Variants in SH3RF3 observed in about 807,000 individuals in gnomAD.
SH3RF3 encodes SH3 domain containing ring finger 3, also known as E3 ubiquitin-protein ligase SH3RF3.
SH3RF3 carries 29 observed loss-of-function variants against 66.3 expected under a neutral mutation model. The ratio of observed to expected loss-of-function variants is 0.44; its 90% confidence interval spans 0.33 to 0.60. SH3RF3 has a LOEUF of 0.60. Among genes scored for constraint, SH3RF3 ranks in the 20% least tolerant of loss-of-function variants. The probability of loss-of-function intolerance (pLI) is 0.04; values close to 1 mark genes in which losing one functional copy is unlikely to be tolerated. For missense variants in SH3RF3, 1,194 were observed against 1,190.9 expected (o/e 1.00, Z -0.04); for synonymous variants, 583 against 532.0 (o/e 1.10, Z -1.32).
intron 9 of SH3RF3, among the ~76,000 whole-genome samples, chr2:109,498,000 CCCTCG>C (rs1679295910): frequency 3.9e-5 from 6 of 152,170 alleles, no homozygotes; most frequent in Admixed American, 3.9e-4. Flanking sequence ...ATCCTGTGGG[CCCTCG>C]CAGCCTCAGT....
At chr2:109,412,284 A>G (rs1274875851) in intron 4 of SH3RF3, among the ~76,000 whole-genome samples, 2 of 152,202 alleles carry the variant, frequency 1.3e-5, no homozygotes, top group African/African-American at 4.8e-5. Flanking sequence ...TCATTGGAGT[A>G]TGGCTTGAGC....
chr2:109,485,074 A>G (rs1279360981), intron 8 of SH3RF3, among the ~76,000 whole-genome samples: 1 of 152,226 alleles, frequency 6.6e-6, no homozygotes, highest in Non-Finnish European at 1.5e-5. Flanking sequence ...CTGCAGATTG[A>G]GGTTCTCATG....
At chr2:109,255,167 T>C (rs117669400) in intron 1 of SH3RF3, among the ~76,000 whole-genome samples, 1 of 152,330 alleles carries the variant, frequency 6.6e-6, no homozygotes, top group East Asian at 1.9e-4. Context: ...TGTGCAACTC[T>C]TGCTTTGTGT....
chr2:109,277,688 T>C (rs1680787620), intron 1 of SH3RF3, among the ~76,000 whole-genome samples: 1 of 152,168 alleles, frequency 6.6e-6, no homozygotes, highest in African/African-American at 2.4e-5. Flanking sequence ...GTGCCTCCCA[T>C]TCATGAGGAG....
rs1489598596 is a variant in SH3RF3, at chr2:109,436,925, A to G, written c.1607A>G (p.Asn536Ser). ...GCAGGAGGGGCAGGGCCGCCCCGGAATAATGTAGTCGGAGGGTCTCCACTG... is the reference window on the plus strand; with the variant it reads ...GCAGGAGGGGCAGGGCCGCCCCGGAGTAATGTAGTCGGAGGGTCTCCACTG... ...VPAGGAGPPRNNVVGGSPLAK... is the reference protein window; with the variant it reads ...VPAGGAGPPRSNVVGGSPLAK... The change falls in exon 7 of 10, where the codon AAT becomes AGT. Residue 536 changes from asparagine to serine, a missense_variant. Asn to Ser is a conservative substitution (Grantham distance 46, BLOSUM62 1). Coordinates refer to ENST00000309415, the MANE Select transcript of SH3RF3 (RefSeq NM_001099289.3). The G allele has an allele frequency of 6.2e-7, 1 of 1,613,578 alleles. No individual in the cohort carries two copies. Among genetic ancestry groups the G allele is most frequent in the Admixed American group, 1.7e-5 (1 of 60,010 alleles).
At chr2:109,275,688 C>T (rs530445810) in intron 1 of SH3RF3, among the ~76,000 whole-genome samples, 31 of 152,274 alleles carry the variant, frequency 2.0e-4, no homozygotes, top group African/African-American at 7.2e-4. Flanking sequence ...ATTAGCGCGT[C>T]CTTTTAAAAG....
chr2:109,280,829 G>T (rs1289636797), intron 1 of SH3RF3, among the ~76,000 whole-genome samples: 2 of 152,222 alleles, frequency 1.3e-5, no homozygotes. Flanking sequence ...GATAACAGTG[G>T]TCGGCTGTTT....
chr2:109,152,528 G>C (rs1236403897), intron 1 of SH3RF3, among the ~76,000 whole-genome samples: 1 of 152,230 alleles, frequency 6.6e-6, no homozygotes, highest in Non-Finnish European at 1.5e-5. Flanking sequence ...TGGAAACAAC[G>C]AAGTGTTTGA....
intron 1 of SH3RF3, among the ~76,000 whole-genome samples, chr2:109,211,194 GGCT>G (rs1286352695): frequency 2.0e-5 from 3 of 152,180 alleles, no homozygotes; most frequent in Non-Finnish European, 2.9e-5. Flanking sequence ...AGCAGGTGGG[GGCT>G]GCTCCTTGGC....
intron 8 of SH3RF3, among the ~76,000 whole-genome samples, chr2:109,469,365 C>T (rs928793359): frequency 9.8e-5 from 15 of 152,298 alleles, no homozygotes; most frequent in Middle Eastern, 3.4e-3. Flanking sequence ...TACTAGCCCC[C>T]GTGCTTTGCT....
At chr2:109,322,095 A>C (rs994404730) in intron 1 of SH3RF3, among the ~76,000 whole-genome samples, 3 of 152,122 alleles carry the variant, frequency 2.0e-5, no homozygotes, top group African/African-American at 7.2e-5. Context: ...AGAAGCGGGG[A>C]GAGGGAAAGA....
At chr2:109,137,016 T>A (rs1225469857) in intron 1 of SH3RF3, among the ~76,000 whole-genome samples, 1 of 152,236 alleles carries the variant, frequency 6.6e-6, no homozygotes, top group Non-Finnish European at 1.5e-5. Context: ...TACCATACAC[T>A]ACAGTGGACA....
At chr2:109,191,883 T>C (rs1678376116) in intron 1 of SH3RF3, among the ~76,000 whole-genome samples, 1 of 152,080 alleles carries the variant, frequency 6.6e-6, no homozygotes, top group East Asian at 1.9e-4. Context: ...TTTTGAAACC[T>C]TTACTATTAT....
chr2:109,257,902 C>G (rs1029736237), intron 1 of SH3RF3, among the ~76,000 whole-genome samples: 5 of 152,124 alleles, frequency 3.3e-5, no homozygotes, highest in Non-Finnish European at 7.3e-5. Context: ...ACACCAGGGC[C>G]AGGGCTGTCC....
chr2:109,163,390 CTTTT>C (rs70956302), intron 1 of SH3RF3, among the ~76,000 whole-genome samples: 5 of 70,268 alleles, frequency 7.1e-5, no homozygotes, highest in Non-Finnish European at 9.8e-5. Flanking sequence ...AGCAAATATT[CTTTT>C]TTTTTTTTTT....
At position 109,494,566 on chromosome 2, in the gene SH3RF3, T is replaced by C. The variant is rs1209862033; in HGVS notation, c.2480+3630T>C. 3.3e-5 allele frequency among the ~76,000 whole-genome samples: 5 copies of C among 152,248 alleles called. No homozygotes were observed. The East Asian group carries it at 7.8e-4, about 24-fold the overall frequency. On this transcript the variant is annotated intron_variant, in intron 9 of 9. Coordinates refer to ENST00000309415, the MANE Select transcript of SH3RF3 (RefSeq NM_001099289.3). ...GTAAAACTTACTTCCAGGCTTACTT[T>C]GGAGGAGGAGCTGCTGGGCTGCGCC...
chr2:109,243,127 C>G (rs1213258510), intron 1 of SH3RF3, among the ~76,000 whole-genome samples: 1 of 152,218 alleles, frequency 6.6e-6, no homozygotes, highest in Non-Finnish European at 1.5e-5. Flanking sequence ...TTCAGGCAGA[C>G]AATTGGGAGC....
chr2:109,459,280 A>C (rs935372378), intron 8 of SH3RF3, among the ~76,000 whole-genome samples: 8 of 152,176 alleles, frequency 5.3e-5, no homozygotes, highest in Admixed American at 3.3e-4. Flanking sequence ...GGAAATACTT[A>C]CAACAGTTAC....
intron 1 of SH3RF3, among the ~76,000 whole-genome samples, chr2:109,223,314 TGGTGTGTTTCCCAG>T (rs1373196449): frequency 6.6e-6 from 1 of 152,170 alleles, no homozygotes; most frequent in African/African-American, 2.4e-5. Context: ...GCAGCCTACC[TGGTGTGTTTCCCAG>T]AGCCGACAGA....
Sources: allele counts gnomAD v4.1 joint callset (sites outside exome capture counted in the v4.1 genomes callset), GRCh38; gene constraint gnomAD v4.1.1; transcripts MANE v1.5; gene names NCBI Gene and HGNC (gene_info 2026-07-23, HGNC 2026-07-21).